Variants in CDH15 observed in about 807,000 individuals in gnomAD.
CDH15 encodes cadherin 15, also known as cadherin-15.
A neutral mutation model predicts 69.4 loss-of-function variants in CDH15; 73 were observed. That is an observed-to-expected ratio of 1.05 (90% confidence interval 0.87 to 1.28). The LOEUF is 1.28. Ranked by LOEUF, CDH15 falls within the 50% of genes most tolerant of loss-of-function variation. The pLI is 0.00. For missense variants in CDH15, 1,343 were observed against 1,133.6 expected, an observed-to-expected ratio of 1.18 and a Z score of -2.65; for synonymous variants, 624 against 507.7, an observed-to-expected ratio of 1.23 and a Z score of -3.08.
At chr16:89,194,483 G>A (rs1261777317) in intron 13 of CDH15, among the ~76,000 whole-genome samples, 1 of 152,212 alleles carries the variant, frequency 6.6e-6, no homozygotes, top group Admixed American at 6.5e-5. Flanking sequence ...GCCTCCGAAA[G>A]GCAGACGGGC....
chr16:89,183,562 C>T lies in CDH15; in HGVS notation c.372C>T (p.Ala124=). The stretch of plus-strand genomic sequence containing the variant: ...TGTTTGAACAGCTAAGAGCGTTTGC[C>T]CTGGACCTGGGAGGATCCACCCTGG... ...KTDRFRLRAF[A]LDLGGSTLED... is the part of the protein sequence containing the mutation. The change falls in exon 4 of 14, where the codon GCC becomes GCT. Residue 124 remains alanine, a synonymous_variant. Transcript: ENST00000289746. 1.2e-6 allele frequency: 2 copies of T among 1,614,152 alleles called. No homozygotes were observed. Among genetic ancestry groups the T allele is most frequent in the Middle Eastern group, 1.6e-4 (1 of 6,062 alleles).
Position 89,191,785 on chromosome 16 carries a change from C to G in CDH15, c.1506C>G (p.Leu502=), listed in dbSNP as rs749157129. The change falls in exon 10 of 14, where the codon CTC becomes CTG. Residue 502 remains leucine (L), a synonymous_variant. Transcript: ENST00000289746. ...CSEPHQGPGL[L]LGATDEDLPP... ...AGCCACACCAAGGCCCAGGCCTCCT[C>G]CTGGGCGCCACGGATGAGGACCTGC... The G allele has an allele frequency of 1.5e-5, 24 of 1,606,242 alleles. No homozygotes were observed. The highest frequency in any genetic ancestry group is 2.7e-5 in the African/African-American group (2 of 74,878).
intron 7 of CDH15, among the ~76,000 whole-genome samples, chr16:89,189,329 G>A (rs1284978971): frequency 7.4e-4 from 62 of 83,368 alleles, no homozygotes; most frequent in African/African-American, 2.3e-3. Context: ...ACACATGCCG[G>A]CACACACAGA....
At chr16:89,185,796 C>T (rs1567773630) in intron 5 of CDH15, 1 of 262,602 alleles carries the variant, frequency 3.8e-6, no homozygotes, top group Non-Finnish European at 7.6e-6. Context: ...CACGGTTCCC[C>T]AGGGCAGGGA....
In CDH15 at chr16:89,190,374, C is replaced by G. The variant is rs772069620; in HGVS notation, c.1110C>G (p.Asn370Lys). 1.2e-6 allele frequency: 2 copies of G among 1,612,924 alleles called. No homozygotes were observed. Among genetic ancestry groups the G allele is most frequent in the Non-Finnish European group, 1.7e-6 (2 of 1,179,968 alleles). ...AKVRVHVQDTNEPPVFQENPL... is the reference protein window; with the variant it reads ...AKVRVHVQDTKEPPVFQENPL... ...TCCGCGTGCATGTGCAGGACACCAA[C>G]GAGCCCCCCGTGTTCCAGGAGAACC... The change falls in exon 8 of 14, where the codon AAC becomes AAG. Residue 370 changes from asparagine to lysine, a missense_variant. Coordinates refer to ENST00000289746, the MANE Select transcript of CDH15 (RefSeq NM_004933.3).
At chr16:89,182,085 TCCCCCAGC>T (rs1567772319) in intron 3 of CDH15, among the ~76,000 whole-genome samples, 1 of 69,606 alleles carries the variant, frequency 1.4e-5, no homozygotes, top group Non-Finnish European at 3.0e-5. Flanking sequence ...GCGCCTGCCC[TCCCCCAGC>T]CTCCCCTCCC....
rs1915663459 is a variant in CDH15, at chr16:89,192,192, G to C, written c.1616-13G>C. 5 of 1,528,052 alleles carry C rather than the reference G, an allele frequency of 3.3e-6. No individual in the cohort carries two copies. Among genetic ancestry groups the C allele is most frequent in the Non-Finnish European group, 4.4e-6 (5 of 1,143,720 alleles). The allele number at this position is 1,528,052 out of a possible 1,614,324, so 94.7% of individuals were successfully genotyped here. On this transcript the variant is annotated splice_polypyrimidine_tract_variant and intron_variant, in intron 10 of 13. Coordinates refer to ENST00000289746, the MANE Select transcript of CDH15 (RefSeq NM_004933.3). The stretch of plus-strand genomic sequence containing the variant: ...CTCGGGAGGCCCTCGCTCACCACAG[G>C]CGCCCTCCGCAGTGAGCCACGCGCG...
rs376679159 is a variant in CDH15 at position 89,195,199 on chromosome 16, G to C, written c.*44G>C. On this transcript the variant is annotated 3_prime_UTR_variant, in exon 14 of 14. Transcript: ENST00000289746. Reference sequence around the variant, plus strand: ...CATGCCACTCCCCGGCCTCGTGGCAGTGATGGCCCCTGCAGAGGCAGCCTG... The same window carrying C: ...CATGCCACTCCCCGGCCTCGTGGCACTGATGGCCCCTGCAGAGGCAGCCTG... 5.3e-6 allele frequency: 8 copies of C among 1,521,256 alleles called. No homozygotes were observed. The highest frequency in any genetic ancestry group is 7.0e-6 in the Non-Finnish European group (8 of 1,136,528). 94.2% of individuals were successfully genotyped at this position (1,521,256 alleles called of 1,614,324 possible).
rs372170884 is a variant in CDH15, at chr16:89,188,291, C to T, written c.978+6C>T. The T allele has an allele frequency of 1.1e-5, 17 of 1,611,656 alleles. No homozygotes were observed. Among genetic ancestry groups the T allele is most frequent in the African/African-American group, 9.3e-5 (7 of 74,906 alleles). ...GTGTTCTGTCCATTGTGAAGGTGAGCGGCCCCCGGCTGGCACACAGATGCC... is the reference window on the plus strand; with the variant it reads ...GTGTTCTGTCCATTGTGAAGGTGAGTGGCCCCCGGCTGGCACACAGATGCC... On this transcript the variant is annotated splice_donor_region_variant and intron_variant, in intron 7 of 13. Coordinates refer to ENST00000289746, the MANE Select transcript of CDH15 (RefSeq NM_004933.3).
In CDH15 at chr16:89,195,282, C is replaced by T. The variant is rs1026575617; in HGVS notation, c.*127C>T. On this transcript the variant is annotated 3_prime_UTR_variant, in exon 14 of 14. Coordinates refer to ENST00000289746, the MANE Select transcript of CDH15 (RefSeq NM_004933.3). ...GCAGCCTCCTTCCTGTAGGCGAGGGCCCAAGTCTGGGGGCAGAACCTGAGT... is the reference window on the plus strand; with the variant it reads ...GCAGCCTCCTTCCTGTAGGCGAGGGTCCAAGTCTGGGGGCAGAACCTGAGT... 9 of 1,032,602 alleles carry T rather than the reference C, an allele frequency of 8.7e-6. No individual in the cohort carries two copies. Among genetic ancestry groups the T allele is most frequent in the Non-Finnish European group, 1.2e-5 (9 of 732,876 alleles). The allele number at this position is 1,032,602 out of a possible 1,614,324, so 64.0% of individuals were successfully genotyped here.
At chr16:89,194,746 C>T in intron 13 of CDH15, 116 bp from the exon 14 acceptor site, 2 of 1,036,236 alleles carry the variant, frequency 1.9e-6, no homozygotes, top group Non-Finnish European at 2.9e-6. Flanking sequence ...CGGACGTGGG[C>T]AGCTTCCCCT....
chr16:89,186,373 G>C (rs78607539), intron 5 of CDH15, among the ~76,000 whole-genome samples: 12 of 104,338 alleles, frequency 1.2e-4, no homozygotes, highest in East Asian at 3.0e-4. Flanking sequence ...GCTCTGTAAA[G>C]GCTCACCCAG....
chr16:89,191,940 C>T (rs1164825628), intron 10 of CDH15, 46 bp downstream of exon 10: 5 of 1,498,150 alleles, frequency 3.3e-6, no homozygotes, highest in Admixed American at 2.0e-5. Context: ...CACGCTCCCC[C>T]CACCCCCACA....
rs1471811473 is a variant in CDH15, at chr16:89,190,283, TG to T, written c.1020del (p.Ser341ArgfsTer44). ...AGCTGTGAACACTACGAACTCAAAG[TG>T]TCGGTGCAGAATGAGGCCCCGCTGC... ...YESCEHYELK[V>X]SVQNEAPLQA... is the part of the protein sequence containing the mutation. On this transcript the variant is annotated frameshift_variant, in exon 8 of 14. Coordinates refer to ENST00000289746, the MANE Select transcript of CDH15 (RefSeq NM_004933.3). LOFTEE classifies it high-confidence loss of function. 1 of 1,612,730 alleles carries T rather than the reference TG, an allele frequency of 6.2e-7. No individual in the cohort carries two copies. The highest frequency in any genetic ancestry group is 2.2e-5 in the East Asian group (1 of 44,858).
intron 3 of CDH15, among the ~76,000 whole-genome samples, chr16:89,181,447 A>G (rs938226673): frequency 1.3e-5 from 2 of 152,154 alleles, no homozygotes; most frequent in Non-Finnish European, 2.9e-5. Context: ...CCTTGTCTCA[A>G]CAAAAGATAA....
chr16:89,189,063 GC>G (rs1177162851), intron 7 of CDH15, among the ~76,000 whole-genome samples: 2 of 134,608 alleles, frequency 1.5e-5, no homozygotes, highest in Non-Finnish European at 3.1e-5. Context: ...ACACACAGAT[GC>G]CGGCACACAC....
intron 1 of CDH15, among the ~76,000 whole-genome samples, chr16:89,178,528 C>T (rs1292764535): frequency 5.9e-5 from 9 of 152,144 alleles, no homozygotes; most frequent in Non-Finnish European, 1.2e-4. Context: ...CCATGTCCCT[C>T]TTGGCTGTGC....
chr16:89,190,599 G>T, intron 8 of CDH15, 103 bp downstream of exon 8: 1 of 1,407,712 alleles, frequency 7.1e-7, no homozygotes, highest in South Asian at 1.3e-5. Context: ...GGGTGTAGGG[G>T]CCATTTGCTG....
chr16:89,193,461 A>C lies in CDH15; in HGVS notation c.1856-9A>C. On this transcript the variant is annotated splice_polypyrimidine_tract_variant and intron_variant, in intron 11 of 13. Coordinates refer to ENST00000289746, the MANE Select transcript of CDH15 (RefSeq NM_004933.3). ...GCCTGGCCCCAGCCTGCGTCCCCTCATTCCCCAGTGCTGGTCCTGCTCGTG... is the reference window on the plus strand; with the variant it reads ...GCCTGGCCCCAGCCTGCGTCCCCTCCTTCCCCAGTGCTGGTCCTGCTCGTG... 1 of 1,598,244 alleles carries C rather than the reference A, an allele frequency of 6.3e-7. No individual in the cohort carries two copies. Among genetic ancestry groups the C allele is most frequent in the South Asian group, 1.1e-5 (1 of 90,208 alleles).
Sources: allele counts gnomAD v4.1 joint callset (sites outside exome capture counted in the v4.1 genomes callset), GRCh38; gene constraint gnomAD v4.1.1; transcripts MANE v1.5; gene names NCBI Gene and HGNC (gene_info 2026-07-23, HGNC 2026-07-21).